Variants in TTLL2 observed in about 807,000 individuals in gnomAD.
The protein encoded by TTLL2 is tubulin tyrosine ligase like 2.
In TTLL2, 10 loss-of-function variants were observed where a neutral mutation model predicts 7.5. The ratio of observed to expected loss-of-function variants is 1.33; its 90% CI spans 0.82 to 2.25. The LOEUF (loss-of-function observed/expected upper bound fraction) is 2.25, where lower values mean the gene tolerates loss of function less well. Among genes scored for constraint, TTLL2 ranks in the 30% most tolerant of loss-of-function variants. TTLL2 has a pLI of 0.00. For missense variants in TTLL2, 733 were observed against 735.7 expected, an observed-to-expected ratio of 1.00 and a Z score of 0.04; for synonymous variants, 284 against 280.3, an observed-to-expected ratio of 1.01 and a Z score of -0.13.
At chr6:167,326,207 G>A (rs1284580545) in intron 1 of TTLL2, among the ~76,000 whole-genome samples, 4 of 152,118 alleles carry the variant, frequency 2.6e-5, no homozygotes, top group East Asian at 1.9e-4. Context: ...TGACCTCTGC[G>A]ACCTTAGAAC....
intron 1 of TTLL2, among the ~76,000 whole-genome samples, chr6:167,336,653 G>A (rs924737458): frequency 7.9e-5 from 12 of 152,014 alleles, no homozygotes; most frequent in Non-Finnish European, 1.3e-4. Flanking sequence ...CAAGACAGTG[G>A]TTTTGCTCGT....
chr6:167,325,160 G>T lies in TTLL2; in HGVS notation c.-14G>T. The T allele has an allele frequency of 6.4e-7, 1 of 1,573,136 alleles. No individual in the cohort carries two copies. The highest frequency in any genetic ancestry group is 8.6e-7 in the Non-Finnish European group (1 of 1,160,364). ...ACAGAGACCCACAGAGGCCACCCTCGGAACCAGCGCCCAATGAGAGGGCGG... is the reference window on the plus strand; with the variant it reads ...ACAGAGACCCACAGAGGCCACCCTCTGAACCAGCGCCCAATGAGAGGGCGG... On this transcript the variant is annotated 5_prime_UTR_variant, in exon 1 of 3. Transcript: ENST00000239587.
At position 167,342,641 on chromosome 6, in the gene TTLL2, C is replaced by T. The variant is rs1161387477; in HGVS notation, c.*962C>T. Among the ~76,000 whole-genome samples, 1 of 151,942 alleles carries T rather than the reference C, an allele frequency of 6.6e-6. No homozygotes were observed. The highest frequency in any genetic ancestry group is 1.5e-5 in the Non-Finnish European group (1 of 68,010). On this transcript the variant is annotated 3_prime_UTR_variant, in exon 3 of 3. Transcript: ENST00000239587. ...AATTCACTAAGTATCACTCATGGTACATTTTGTGTTATGTGTGTTTTACCA... is the reference window on the plus strand; with the variant it reads ...AATTCACTAAGTATCACTCATGGTATATTTTGTGTTATGTGTGTTTTACCA...
chr6:167,328,040 T>C (rs1445432299), intron 1 of TTLL2: 1 of 456,282 alleles, frequency 2.2e-6, no homozygotes, highest in Non-Finnish European at 4.4e-6. Context: ...TTGAATCACA[T>C]GGTTTAACCC....
chr6:167,338,877 T>TCCTTCCTTCCTTCTTTCCTC (rs1562372834), intron 2 of TTLL2, 74 bp downstream of exon 2: 1 of 1,425,068 alleles, frequency 7.0e-7, no homozygotes, highest in African/African-American at 1.4e-5. Context: ...CTTTCCTCCT[T>TCCTTCCTTCCTTCTTTCCTC]CTTTTTTCCC....
chr6:167,340,378 G>C lies in TTLL2; in HGVS notation c.478G>C (p.Ala160Pro). 4.3e-6 allele frequency: 7 copies of C among 1,614,156 alleles called. No homozygotes were observed. The highest frequency in any genetic ancestry group is 2.2e-5 in the East Asian group (1 of 44,892). Residue 160 changes from alanine (A) to proline (P), a missense_variant, in exon 3 of 3, where the codon GCC becomes CCC. Ala to Pro is a conservative substitution (Grantham distance 27). Transcript: ENST00000239587. ...CAAGCTTACCAGGAAAGACTGTTTG[G>C]CCAAACACCTGAAGCACATGAGGAG... ...TTKLTRKDCL[A>P]KHLKHMRRMY...
chr6:167,325,119 G>T lies in TTLL2; in HGVS notation c.-55G>T. On this transcript the variant is annotated 5_prime_UTR_variant, in exon 1 of 3. Coordinates refer to ENST00000239587, the MANE Select transcript of TTLL2 (RefSeq NM_031949.5). The stretch of plus-strand genomic sequence containing the variant: ...CTCCAGCCTCCGCGCATTTCAGCTG[G>T]CGCTGCAGCTGCTGCACAGAGACCC... 1 of 1,544,284 alleles carries T rather than the reference G, an allele frequency of 6.5e-7. No homozygotes were observed.
At chr6:167,339,669 A>G (rs1275500728) in intron 2 of TTLL2, among the ~76,000 whole-genome samples, 1 of 152,174 alleles carries the variant, frequency 6.6e-6, no homozygotes, top group Non-Finnish European at 1.5e-5. Flanking sequence ...ATTTTATGAC[A>G]TCATTGTTTC....
chr6:167,330,371 G>A (rs755184308), intron 1 of TTLL2, among the ~76,000 whole-genome samples: 5 of 151,920 alleles, frequency 3.3e-5, no homozygotes, highest in Admixed American at 6.6e-5. Flanking sequence ...CAGCCTGACC[G>A]ACATGGTGAA....
chr6:167,334,153 C>T (rs1177554181), intron 1 of TTLL2, among the ~76,000 whole-genome samples: 2 of 142,662 alleles, frequency 1.4e-5, no homozygotes, highest in Admixed American at 7.0e-5. Context: ...TCTTTGTTCT[C>T]GTTGGTTTCA....
chr6:167,341,955 TGTG>T lies in TTLL2; in HGVS notation c.*277_*279del. On this transcript the variant is annotated 3_prime_UTR_variant, in exon 3 of 3. Coordinates refer to ENST00000239587, the MANE Select transcript of TTLL2 (RefSeq NM_031949.5). The stretch of plus-strand genomic sequence containing the variant: ...ACACAGCCTCCCACCAGTAATTGAA[TGTG>T]CTACACTACGATTATGCTATGTATG... 1 of 410,786 alleles carries T rather than the reference TGTG, an allele frequency of 2.4e-6. No homozygotes were observed. The highest frequency in any genetic ancestry group is 4.3e-6 in the Non-Finnish European group (1 of 231,954). 25.4% of individuals were successfully genotyped at this position (410,786 alleles called of 1,614,324 possible).
chr6:167,338,786 C>A lies in TTLL2; in HGVS notation c.187C>A (p.Pro63Thr). ...CCCTCCCAGGCGAGGCCGCCCAACA[C>A]CAACACTGGAGAAGAAGGTGGGTGG... The part of the protein sequence containing the change: ...SIPPRRGRPT[P>T]TLEKKKKPHL... The change falls in exon 2 of 3, where the codon CCA becomes ACA. Residue 63 changes from proline to threonine, a missense_variant. Coordinates refer to ENST00000239587, the MANE Select transcript of TTLL2 (RefSeq NM_031949.5). 5 of 1,611,118 alleles carry A rather than the reference C, an allele frequency of 3.1e-6. No individual in the cohort carries two copies. The highest frequency in any genetic ancestry group is 4.2e-6 in the Non-Finnish European group (5 of 1,178,310).
chr6:167,329,546 A>G (rs1392280544), intron 1 of TTLL2, among the ~76,000 whole-genome samples: 1 of 152,166 alleles, frequency 6.6e-6, no homozygotes, highest in African/African-American at 2.4e-5. Flanking sequence ...TACATAATTC[A>G]TAATTTCACG....
Position 167,328,086 on chromosome 6 carries a change from G to A in TTLL2, c.47+2866G>A, listed in dbSNP as rs780047507. ...TCCCGGTCAAATGGAAAGTTGCTCTGGGGCTCTGTCCTGTAAGCAGTGAAT... is the reference window on the plus strand; with the variant it reads ...TCCCGGTCAAATGGAAAGTTGCTCTAGGGCTCTGTCCTGTAAGCAGTGAAT... On this transcript the variant is annotated intron_variant, in intron 1 of 2. Coordinates refer to ENST00000239587, the MANE Select transcript of TTLL2 (RefSeq NM_031949.5). The A allele has an allele frequency of 1.1e-5, 5 of 451,302 alleles. 1 individual carries two copies. The highest frequency in any genetic ancestry group is 7.7e-5 in the South Asian group (5 of 64,568). The allele number at this position is 451,302 out of a possible 1,614,324, so 28.0% of individuals were successfully genotyped here.
intron 1 of TTLL2, among the ~76,000 whole-genome samples, chr6:167,330,790 C>G (rs1778910197): frequency 6.6e-6 from 1 of 152,122 alleles, no homozygotes; most frequent in Admixed American, 6.5e-5. Flanking sequence ...TGGACATTTC[C>G]CAAATCACAC....
chr6:167,325,151 G>T lies in TTLL2; in HGVS notation c.-23G>T. ...AGCTGCTGCACAGAGACCCACAGAG[G>T]CCACCCTCGGAACCAGCGCCCAATG... On this transcript the variant is annotated 5_prime_UTR_variant, in exon 1 of 3. Coordinates refer to ENST00000239587, the MANE Select transcript of TTLL2 (RefSeq NM_031949.5). The T allele has an allele frequency of 6.4e-7, 1 of 1,568,396 alleles. No individual in the cohort carries two copies. The highest frequency in any genetic ancestry group is 8.6e-7 in the Non-Finnish European group (1 of 1,157,984).
Position 167,341,660 on chromosome 6 carries a change from T to G in TTLL2, c.1760T>G (p.Met587Arg), listed in dbSNP as rs149701744. 1 of 1,607,220 alleles carries G rather than the reference T, an allele frequency of 6.2e-7. No individual in the cohort carries two copies. The highest frequency in any genetic ancestry group is 1.1e-5 in the South Asian group (1 of 89,618). Reference sequence around the variant, plus strand: ...ATAATCCAAGAGCTCCAGAAACTAATGAATAAGCAACATTCCTAAGTGGTA... The same window carrying G: ...ATAATCCAAGAGCTCCAGAAACTAAGGAATAAGCAACATTCCTAAGTGGTA... The part of the protein sequence containing the change: ...KRIIQELQKL[M>R]NKQHS The change falls in exon 3 of 3, where the codon ATG (methionine) becomes AGG (arginine). Residue 587 changes from methionine (M) to arginine (R), a missense_variant. Coordinates refer to ENST00000239587, the MANE Select transcript of TTLL2 (RefSeq NM_031949.5).
intron 1 of TTLL2, among the ~76,000 whole-genome samples, chr6:167,331,448 C>T (rs56034275): frequency 0.021 from 3,232 of 152,238 alleles, 131 homozygotes; most frequent in African/African-American, 0.074. Context: ...CTCTGTTGTA[C>T]GTTTTACTTC....
In TTLL2 at chr6:167,341,673, T is replaced by C. The variant is rs375954400; in HGVS notation, c.1773T>C (p.His591=). ...TCCAGAAACTAATGAATAAGCAACATTCCTAAGTGGTAAAAAATCAAATCA... is the reference window on the plus strand; with the variant it reads ...TCCAGAAACTAATGAATAAGCAACACTCCTAAGTGGTAAAAAATCAAATCA... ...QELQKLMNKQ[H]S Residue 591 remains histidine (H), a synonymous_variant, in exon 3 of 3, where the codon CAT becomes CAC. Transcript: ENST00000239587. The C allele has an allele frequency of 3.9e-5, 62 of 1,590,432 alleles. No individual in the cohort carries two copies. The highest frequency in any genetic ancestry group is 5.1e-6 in the Non-Finnish European group (6 of 1,171,722).
Sources: gnomAD v4.1 joint callset for allele counts (sites outside exome capture counted in the v4.1 genomes callset) on GRCh38, gnomAD v4.1.1 for gene constraint, MANE v1.5 for transcripts, NCBI Gene and HGNC (gene_info 2026-07-23, HGNC 2026-07-21) for gene names.